Variants in PTPN13 observed in about 807,000 individuals in gnomAD.
PTPN13 encodes the protein protein tyrosine phosphatase non-receptor type 13.
Under a neutral mutation model 284.0 loss-of-function variants are expected in PTPN13, and 191 were observed. The ratio of observed to expected loss-of-function variants is 0.67; its 90% confidence interval spans 0.60 to 0.76. The LOEUF (loss-of-function observed/expected upper bound fraction) is 0.76. Among genes scored for constraint, PTPN13 ranks in the 30% least tolerant of loss-of-function variants. PTPN13 has a pLI of 0.00. For missense variants in PTPN13, 2,797 were observed against 2,939.9 expected (o/e 0.95, Z 1.12); for synonymous variants, 986 against 1,022.3 (o/e 0.96, Z 0.68).
intron 19 of PTPN13, among the ~76,000 whole-genome samples, chr4:86,751,743 T>TAG (rs1737412303): frequency 1.3e-5 from 2 of 152,220 alleles, no homozygotes; most frequent in South Asian, 4.1e-4. Flanking sequence ...GGTAATGCTA[T>TAG]AGTTTTGGAG....
chr4:86,737,199 CT>C, intron 15 of PTPN13, among the ~76,000 whole-genome samples: 1 of 151,536 alleles, frequency 6.6e-6, no homozygotes, highest in East Asian at 1.9e-4. Flanking sequence ...GATCTTGTCA[CT>C]GGGTTCCAGC....
At chr4:86,719,956 T>A (rs1733476206) in intron 9 of PTPN13, among the ~76,000 whole-genome samples, 1 of 152,126 alleles carries the variant, frequency 6.6e-6, no homozygotes, top group African/African-American at 2.4e-5. Context: ...CAAAAGCATG[T>A]GGGGATGAAC....
intron 7 of PTPN13, among the ~76,000 whole-genome samples, chr4:86,705,289 G>A (rs1433402699): frequency 7.0e-6 from 1 of 143,146 alleles, no homozygotes; most frequent in Non-Finnish European, 1.5e-5. Context: ...AGCCAAGATC[G>A]TGCCATTGCA....
intron 3 of PTPN13, among the ~76,000 whole-genome samples, chr4:86,680,658 A>G (rs35084226): frequency 0.1 from 15,201 of 152,170 alleles, 993 homozygotes; most frequent in Middle Eastern, 0.16. Flanking sequence ...TTTCCCCTCA[A>G]AAACCTTCAT....
chr4:86,714,415 T>C (rs1457449185), intron 7 of PTPN13, among the ~76,000 whole-genome samples: 1 of 152,136 alleles, frequency 6.6e-6, no homozygotes, highest in African/African-American at 2.4e-5. Context: ...TTTTTCCATC[T>C]CCTGTTTCCT....
chr4:86,722,769 A>G (rs1475965525), intron 10 of PTPN13, among the ~76,000 whole-genome samples: 1 of 152,198 alleles, frequency 6.6e-6, no homozygotes, highest in African/African-American at 2.4e-5. Context: ...TTATTATTCC[A>G]TATATTGAGA....
At chr4:86,738,253 G>A (rs1005809044) in intron 15 of PTPN13, among the ~76,000 whole-genome samples, 1 of 152,058 alleles carries the variant, frequency 6.6e-6, no homozygotes, top group African/African-American at 2.4e-5. Flanking sequence ...GGGACCTATG[G>A]CAAGTGCATG....
At chr4:86,707,324 A>G (rs1731879799) in intron 7 of PTPN13, among the ~76,000 whole-genome samples, 1 of 152,248 alleles carries the variant, frequency 6.6e-6, no homozygotes, top group Non-Finnish European at 1.5e-5. Flanking sequence ...CCTAGTTCAC[A>G]TCAAAATGAA....
chr4:86,708,469 T>A (rs1350152211), intron 7 of PTPN13, among the ~76,000 whole-genome samples: 1 of 152,174 alleles, frequency 6.6e-6, no homozygotes. Context: ...CCAGTGTCTG[T>A]ACTCATGATA....
Position 86,775,442 on chromosome 4 carries a change from G to GT in PTPN13, c.5686dup (p.Ser1896PhefsTer7). The GT allele has an allele frequency of 6.2e-7, 1 of 1,602,162 alleles. No homozygotes were observed. The highest frequency in any genetic ancestry group is 8.5e-7 in the Non-Finnish European group (1 of 1,169,628). On this transcript the variant is annotated frameshift_variant and splice_region_variant, in exon 35 of 48. Coordinates refer to ENST00000411767, the MANE Select transcript of PTPN13 (RefSeq NM_080683.3). LOFTEE classifies it high-confidence loss of function. ...AACAAATATTTTCTATTATTTCAAG[G>GT]TTTTTCCTTATGTGGAGGTCATGAC...
chr4:86,679,790 C>T (rs1272856955), intron 3 of PTPN13, among the ~76,000 whole-genome samples: 1 of 152,230 alleles, frequency 6.6e-6, no homozygotes, highest in East Asian at 1.9e-4. Context: ...TCTCACCCAG[C>T]CTGTCTCTTG....
At position 86,745,139 on chromosome 4, in the gene PTPN13, G is replaced by C; in HGVS notation, c.2650+11G>C. 6.2e-7 allele frequency: 1 copy of C among 1,600,618 alleles called. No individual in the cohort carries two copies. Among genetic ancestry groups the C allele is most frequent in the Non-Finnish European group, 8.5e-7 (1 of 1,174,394 alleles). On this transcript the variant is annotated intron_variant, in intron 17 of 47. Coordinates refer to ENST00000411767, the MANE Select transcript of PTPN13 (RefSeq NM_080683.3). ...ATGCCCAAGATATTGGTAAGGAGAA[G>C]CAGACTATTTCAGATGACTCCTGGG...
intron 33 of PTPN13, among the ~76,000 whole-genome samples, 183 bp downstream of exon 33, chr4:86,774,714 TATA>T (rs1740406778): frequency 6.7e-6 from 1 of 149,826 alleles, no homozygotes; most frequent in Admixed American, 6.7e-5. Context: ...TATATATATA[TATA>T]TATATTTTTT....
chr4:86,675,488 A>G (rs1053168393), intron 3 of PTPN13, among the ~76,000 whole-genome samples: 2 of 152,178 alleles, frequency 1.3e-5, no homozygotes, highest in African/African-American at 2.4e-5. Flanking sequence ...ACTAGCACTC[A>G]ATAAATGCTT....
chr4:86,643,545 A>G (rs541261310), intron 2 of PTPN13, among the ~76,000 whole-genome samples: 1 of 152,204 alleles, frequency 6.6e-6, no homozygotes, highest in Admixed American at 6.5e-5. Flanking sequence ...AAATAATATC[A>G]GCAAAGTTTA....
intron 1 of PTPN13, among the ~76,000 whole-genome samples, chr4:86,630,286 C>T (rs1361797903): frequency 6.6e-6 from 1 of 152,102 alleles, no homozygotes; most frequent in Non-Finnish European, 1.5e-5. Flanking sequence ...AATAAGTCTT[C>T]TAATGAATGA....
chr4:86,731,517 T>C (rs879689523), intron 10 of PTPN13, among the ~76,000 whole-genome samples: 2 of 152,230 alleles, frequency 1.3e-5, no homozygotes, highest in Non-Finnish European at 2.9e-5. Context: ...TATCCCTAGT[T>C]GCCACTATTT....
rs775144613 is a variant in PTPN13, at chr4:86,766,516, A to G, written c.4328A>G (p.Gln1443Arg). ...QAVETLRNTG[Q>R]VVHLLLEKGQ... ...GTGGAAACACTGAGAAATACAGGAC[A>G]GGTAACAGATCATTATACCAACCTT... Residue 1443 changes from glutamine to arginine, a missense_variant and splice_region_variant, in exon 27 of 48, where the codon CAG becomes CGG. By Grantham distance (43) the Gln-to-Arg change is conservative. Transcript: ENST00000411767. 51 of 1,597,334 alleles carry G rather than the reference A, an allele frequency of 3.2e-5. No individual in the cohort carries two copies. The East Asian group carries it at 8.1e-4, about 25-fold the overall frequency.
intron 3 of PTPN13, 25 bp from the exon 4 acceptor site, chr4:86,686,685 T>C: frequency 1.4e-6 from 2 of 1,423,638 alleles, no homozygotes; most frequent in Non-Finnish European, 1.9e-6. Context: ...ATCATAAAAT[T>C]ATTTCTTAAA....
Sources: gnomAD v4.1 joint callset for allele counts (sites outside exome capture counted in the v4.1 genomes callset) on GRCh38, gnomAD v4.1.1 for gene constraint, MANE v1.5 for transcripts, NCBI Gene and HGNC (gene_info 2026-07-23, HGNC 2026-07-21) for gene names.